SNX8: variants seen among roughly 807,000 people sequenced by gnomAD.
The protein encoded by SNX8 is sorting nexin 8.
A neutral mutation model predicts 51.6 loss-of-function variants in SNX8; 25 were observed. The observed-to-expected ratio is 0.48, with a 90% CI of 0.35 to 0.68. SNX8 has a LOEUF of 0.68. SNX8 is among the 30% of genes least tolerant of loss of function. SNX8 has a pLI of 0.00. For synonymous variants in SNX8, 324 were observed against 277.0 expected, an observed-to-expected ratio of 1.17 and a Z score of -1.68; for missense variants, 695 against 624.0, an observed-to-expected ratio of 1.11 and a Z score of -1.21.
chr7:2,308,439 G>A (rs1055507212), intron 1 of SNX8, among the ~76,000 whole-genome samples: 19 of 152,036 alleles, frequency 1.2e-4, no homozygotes, highest in South Asian at 6.2e-4. Context: ...AGGCTGCAGC[G>A]GGCGGATCAC....
intron 1 of SNX8, among the ~76,000 whole-genome samples, chr7:2,342,062 T>C (rs866934375): frequency 4.4e-4 from 66 of 149,736 alleles, no homozygotes; most frequent in African/African-American, 1.5e-3. Context: ...GATTGATCCT[T>C]GCATCTGGAT....
At chr7:2,341,166 TA>T (rs879782823) in intron 1 of SNX8, among the ~76,000 whole-genome samples, 325 of 122,588 alleles carry the variant, frequency 2.7e-3, no homozygotes, top group Middle Eastern at 8.6e-3. Context: ...GATCTTCTCT[TA>T]AAAAAAAAAA....
chr7:2,337,029 T>C (rs1055659886), intron 1 of SNX8: 3 of 148,024 alleles, frequency 2.0e-5, no homozygotes, highest in Non-Finnish European at 4.5e-5. Context: ...AAGAAAGAAA[T>C]CAGTATAGCG....
intron 1 of SNX8, among the ~76,000 whole-genome samples, chr7:2,279,436 G>A (rs1795860544): frequency 6.6e-6 from 1 of 152,138 alleles, no homozygotes; most frequent in Non-Finnish European, 1.5e-5. Context: ...AGTCGACGCT[G>A]CGGGCACGTC....
At chr7:2,256,620 G>A (rs538697097) in intron 10 of SNX8, among the ~76,000 whole-genome samples, 1 of 152,310 alleles carries the variant, frequency 6.6e-6, no homozygotes, top group East Asian at 1.9e-4. Context: ...AATCCCTCCA[G>A]GAGGCAAACT....
At chr7:2,287,948 T>A (rs1796070287) in intron 1 of SNX8, 1 of 152,220 alleles carries the variant, frequency 6.6e-6, no homozygotes, top group South Asian at 2.1e-4. Flanking sequence ...ACCCTTCAAC[T>A]TGGCTATACT....
At position 2,330,769 on chromosome 7, in the gene SNX8, G is replaced by A. The variant is rs183218914; in HGVS notation, c.-66+23453C>T. 5.1e-4 allele frequency among the ~76,000 whole-genome samples: 78 copies of A among 152,258 alleles called. 1 individual carries two copies. Among genetic ancestry groups the A allele is most frequent in the African/African-American group, 1.6e-3 (68 of 41,554 alleles). On this transcript the variant is annotated intron_variant, in intron 1 of 5. Transcript: ENST00000435336. Reference sequence around the variant, plus strand: ...GAAGCCTCCCTCTGTGTTGACTGCTGTGGGGGAATGAGAATGCAGGAAAAA... The same window carrying A: ...GAAGCCTCCCTCTGTGTTGACTGCTATGGGGGAATGAGAATGCAGGAAAAA...
At chr7:2,291,882 T>G (rs1001325839) in intron 1 of SNX8, among the ~76,000 whole-genome samples, 2 of 152,218 alleles carry the variant, frequency 1.3e-5, no homozygotes, top group Non-Finnish European at 2.9e-5. Context: ...GAGCTGTGGC[T>G]TCCCACTGCT....
rs1282427825 is a variant in SNX8 at position 2,278,200 on chromosome 7, G to C, written c.200C>G (p.Thr67Ser). The C allele has an allele frequency of 6.2e-7, 1 of 1,613,728 alleles. No individual in the cohort carries two copies. The highest frequency in any genetic ancestry group is 1.7e-5 in the Admixed American group (1 of 59,978). The part of the protein sequence containing the change: ...PQGNPLLLSH[T>S]LQELLARDTV... ...GTCCCTGGCCAGCAGCTCCTGCAGG[G>C]TGTGGGACAGCAGCAGCGGGTTCCC... The change falls in exon 2 of 11, where the codon ACC (threonine) becomes AGC (serine). Residue 67 changes from threonine (T) to serine (S), a missense_variant. Physicochemically the swap from Thr to Ser is moderately conservative, Grantham distance 58. Transcript: ENST00000222990.
At chr7:2,285,404 T>A (rs1796005637) in intron 1 of SNX8, among the ~76,000 whole-genome samples, 1 of 151,962 alleles carries the variant, frequency 6.6e-6, no homozygotes, top group Non-Finnish European at 1.5e-5. Flanking sequence ...AAAAAAACTT[T>A]CTCTAAGCTA....
At chr7:2,267,806 C>T (rs1450693780) in intron 5 of SNX8, among the ~76,000 whole-genome samples, 1 of 125,918 alleles carries the variant, frequency 7.9e-6, no homozygotes, top group Non-Finnish European at 1.7e-5. Context: ...CTCTGCCTGG[C>T]TGCCCAGTCT....
intron 1 of SNX8, among the ~76,000 whole-genome samples, chr7:2,285,454 G>A (rs1796006521): frequency 6.6e-6 from 1 of 152,120 alleles, no homozygotes. Context: ...CTCAGGAAAT[G>A]GAAGCAGAAG....
intron 2 of SNX8, among the ~76,000 whole-genome samples, chr7:2,276,952 AC>A (rs1291787246): frequency 1.3e-5 from 2 of 152,200 alleles, no homozygotes; most frequent in African/African-American, 2.4e-5. Context: ...CTCTTTAAAA[AC>A]AAGCAAACAA....
At position 2,256,875 on chromosome 7, in the gene SNX8, T is replaced by G. The variant is rs772104694; in HGVS notation, c.1283A>C (p.Glu428Ala). The G allele has an allele frequency of 4.3e-6, 7 of 1,610,906 alleles. No homozygotes were observed. The Admixed American group carries it at 1.2e-4, about 27-fold the overall frequency. ...FVNSQIQGHK[E>A]MSKVWNDLRP... Reference sequence around the variant, plus strand: ...GCGGCCGGAGCAGGGCGGACTCACCTCCTTGTGCCCTTGGATCTGAGAGTT... The same window carrying G: ...GCGGCCGGAGCAGGGCGGACTCACCGCCTTGTGCCCTTGGATCTGAGAGTT... The change falls in exon 10 of 11, where the codon GAG (glutamate) becomes GCG (alanine). Residue 428 changes from glutamate to alanine, a missense_variant and splice_region_variant. Transcript: ENST00000222990.
chr7:2,347,272 A>G (rs2115250834), intron 1 of SNX8, among the ~76,000 whole-genome samples: 1 of 152,168 alleles, frequency 6.6e-6, no homozygotes, highest in South Asian at 2.1e-4. Flanking sequence ...ACCTGAGGTC[A>G]GGAGTTTGAG....
At chr7:2,346,849 G>A (rs563948678) in intron 1 of SNX8, among the ~76,000 whole-genome samples, 1 of 148,614 alleles carries the variant, frequency 6.7e-6, no homozygotes, top group East Asian at 2.0e-4. Flanking sequence ...GAGCCTGGGA[G>A]GTGGAGGCTG....
chr7:2,321,283 T>C (rs1036273645), intron 1 of SNX8, among the ~76,000 whole-genome samples: 4 of 152,182 alleles, frequency 2.6e-5, no homozygotes, highest in Admixed American at 6.6e-5. Flanking sequence ...GCAGTCTTCA[T>C]ACATCGTCAG....
chr7:2,344,251 G>T (rs1778982465), intron 1 of SNX8, among the ~76,000 whole-genome samples: 1 of 151,922 alleles, frequency 6.6e-6, no homozygotes, highest in South Asian at 2.1e-4. Context: ...GGAGGCCAAG[G>T]TGGGAAGATC....
At chr7:2,259,397 G>A (rs764628429) in intron 7 of SNX8, among the ~76,000 whole-genome samples, 31 of 152,184 alleles carry the variant, frequency 2.0e-4, no homozygotes, top group Non-Finnish European at 3.4e-4. Context: ...ACGATTCCTC[G>A]GGCTCCACCC....
Sources: allele counts gnomAD v4.1 joint callset (sites outside exome capture counted in the v4.1 genomes callset), GRCh38; gene constraint gnomAD v4.1.1; transcripts MANE v1.5; gene names NCBI Gene and HGNC (gene_info 2026-07-23, HGNC 2026-07-21).